Variants in BARD1 observed in about 807,000 individuals in gnomAD.
BARD1 encodes the protein BRCA1 associated RING domain 1, also known as BRCA1-associated RING domain protein 1.
A neutral mutation model predicts 77.0 loss-of-function variants in BARD1; 73 were observed. The ratio of observed to expected loss-of-function variants is 0.95; its 90% CI spans 0.79 to 1.15. The LOEUF (loss-of-function observed/expected upper bound fraction) is 1.15. BARD1 is among the 50% of genes most tolerant of loss of function. The pLI is 0.00. For synonymous variants in BARD1, 384 were observed against 338.0 expected (o/e 1.14, Z -1.49); for missense variants, 993 against 938.8 (o/e 1.06, Z -0.75).
chr2:214,732,059 C>T (rs1692379307), intron 9 of BARD1, among the ~76,000 whole-genome samples: 1 of 152,278 alleles, frequency 6.6e-6, no homozygotes, highest in Admixed American at 6.5e-5. Context: ...AGAAAAAAAT[C>T]TATGGCTGCA....
intron 6 of BARD1, among the ~76,000 whole-genome samples, chr2:214,760,216 C>T (rs372409926): frequency 1.3e-5 from 2 of 152,176 alleles, no homozygotes; most frequent in East Asian, 1.9e-4. Flanking sequence ...TATTTGAGAC[C>T]GAGTCTCGCT....
At chr2:214,789,220 G>T (rs754056116) in intron 3 of BARD1, among the ~76,000 whole-genome samples, 1 of 151,914 alleles carries the variant, frequency 6.6e-6, no homozygotes, top group East Asian at 1.9e-4. Flanking sequence ...CAAATTCTAA[G>T]AATGTATTTT....
Position 214,728,488 on chromosome 2 carries a change from C to A in BARD1, c.*188G>T. ...AAAAGAAAAACCTTTAAAAGCAATC[C>A]CAGCTTCTAAATGGTAAACATAACA... is the stretch of plus-strand genomic sequence containing the variant. On this transcript the variant is annotated 3_prime_UTR_variant, in exon 11 of 11. Coordinates refer to ENST00000260947, the MANE Select transcript of BARD1 (RefSeq NM_000465.4). 1 of 628,466 alleles carries A rather than the reference C, an allele frequency of 1.6e-6. No individual in the cohort carries two copies. Among genetic ancestry groups the A allele is most frequent in the South Asian group, 2.1e-5 (1 of 47,338 alleles). 38.9% of individuals were successfully genotyped at this position (628,466 alleles called of 1,614,324 possible). A position where few individuals can be genotyped will look rare whatever the true frequency, so the allele number is the denominator to read the frequency against.
chr2:214,748,674 T>C (rs2106028045), intron 7 of BARD1, among the ~76,000 whole-genome samples: 1 of 152,172 alleles, frequency 6.6e-6, no homozygotes, highest in Non-Finnish European at 1.5e-5. Context: ...TAAATTTTAC[T>C]TAAAACATAA....
chr2:214,756,055 A>T (rs1330450778), intron 6 of BARD1, among the ~76,000 whole-genome samples: 1 of 152,180 alleles, frequency 6.6e-6, no homozygotes, highest in East Asian at 1.9e-4. Flanking sequence ...TGTAGATAAT[A>T]TACTTTACCT....
intron 4 of BARD1, among the ~76,000 whole-genome samples, chr2:214,774,628 C>T (rs1235304128): frequency 6.6e-6 from 1 of 152,184 alleles, no homozygotes; most frequent in Non-Finnish European, 1.5e-5. Flanking sequence ...TGAGCATTGG[C>T]TTCCACTTCA....
intron 4 of BARD1, among the ~76,000 whole-genome samples, chr2:214,772,161 G>A (rs1397132021): frequency 6.6e-6 from 1 of 151,966 alleles, no homozygotes; most frequent in Non-Finnish European, 1.5e-5. Flanking sequence ...AGAGATGGGG[G>A]TCTCACTATG....
chr2:214,773,789 T>G (rs1396221520), intron 4 of BARD1, among the ~76,000 whole-genome samples: 1 of 152,192 alleles, frequency 6.6e-6, no homozygotes, highest in Non-Finnish European at 1.5e-5. Context: ...GACAGTTTCT[T>G]AAATCAGGAC....
At chr2:214,799,736 C>G (rs889120951) in intron 1 of BARD1, among the ~76,000 whole-genome samples, 1 of 152,158 alleles carries the variant, frequency 6.6e-6, no homozygotes, top group Admixed American at 6.5e-5. Flanking sequence ...GATCATACCT[C>G]CCATTCTACC....
At chr2:214,770,740 A>T (rs1694443291) in intron 4 of BARD1, among the ~76,000 whole-genome samples, 1 of 152,146 alleles carries the variant, frequency 6.6e-6, no homozygotes, top group Non-Finnish European at 1.5e-5. Flanking sequence ...GACAAAAAAA[A>T]TAGCTTCCCT....
chr2:214,736,103 A>C (rs1692554586), intron 9 of BARD1, among the ~76,000 whole-genome samples: 1 of 152,080 alleles, frequency 6.6e-6, no homozygotes, highest in Admixed American at 6.5e-5. Flanking sequence ...ATATAATAAA[A>C]ATTATACTCT....
intron 1 of BARD1, 39 bp from the exon 2 acceptor site, chr2:214,797,156 T>G (rs765470674): frequency 7.2e-6 from 11 of 1,532,662 alleles, no homozygotes; most frequent in Non-Finnish European, 9.0e-7. Flanking sequence ...TTTGAGTCAT[T>G]GTTAGATAAA....
intron 2 of BARD1, among the ~76,000 whole-genome samples, chr2:214,795,868 C>A (rs1301735863): frequency 2.6e-5 from 4 of 152,086 alleles, no homozygotes; most frequent in Non-Finnish European, 5.9e-5. Flanking sequence ...TTTCATCATC[C>A]AAACAGACGT....
chr2:214,762,376 A>G (rs1694005090), intron 6 of BARD1, among the ~76,000 whole-genome samples: 1 of 152,214 alleles, frequency 6.6e-6, no homozygotes, highest in African/African-American at 2.4e-5. Flanking sequence ...AGGGATACTC[A>G]GTCTATAACT....
intron 7 of BARD1, among the ~76,000 whole-genome samples, chr2:214,748,934 A>T (rs1479861442): frequency 6.6e-6 from 1 of 152,180 alleles, no homozygotes; most frequent in Non-Finnish European, 1.5e-5. Flanking sequence ...ACTATAGTAA[A>T]CAGAAGAGCC....
Position 214,728,098 on chromosome 2 carries a change from T to TA in BARD1, c.*577dup, listed in dbSNP as rs549795495. The TA allele has an allele frequency of 4.4e-6, 1 of 228,154 alleles. No homozygotes were observed. Among genetic ancestry groups the TA allele is most frequent in the East Asian group, 6.3e-5 (1 of 15,830 alleles). 14.1% of individuals were successfully genotyped at this position (228,154 alleles called of 1,614,324 possible). ...CACAATTTCCTGATGATATACAAGATAAAAAACAGGGATGAAAGTGTAGAA... is the reference window on the plus strand; with the variant it reads ...CACAATTTCCTGATGATATACAAGATAAAAAAACAGGGATGAAAGTGTAGAA... On this transcript the variant is annotated 3_prime_UTR_variant, in exon 11 of 11. Coordinates refer to ENST00000260947, the MANE Select transcript of BARD1 (RefSeq NM_000465.4).
chr2:214,733,243 G>A, intron 9 of BARD1, among the ~76,000 whole-genome samples: 1 of 152,098 alleles, frequency 6.6e-6, no homozygotes, highest in East Asian at 1.9e-4. Context: ...GAAACCACAA[G>A]TGTTTTAAAA....
At chr2:214,766,270 C>T (rs1174861415) in intron 6 of BARD1, among the ~76,000 whole-genome samples, 6 of 152,090 alleles carry the variant, frequency 3.9e-5, no homozygotes, top group Non-Finnish European at 7.4e-5. Flanking sequence ...CCCAGAACCT[C>T]ATGTGAATGA....
At chr2:214,744,806 T>C (rs958525921) in intron 9 of BARD1, among the ~76,000 whole-genome samples, 1 of 151,998 alleles carries the variant, frequency 6.6e-6, no homozygotes, top group Non-Finnish European at 1.5e-5. Context: ...AATTTTTTTG[T>C]ATTTTTAGTA....
Sources: gnomAD v4.1 joint callset for allele counts (sites outside exome capture counted in the v4.1 genomes callset) on GRCh38, gnomAD v4.1.1 for gene constraint, MANE v1.5 for transcripts, NCBI Gene and HGNC (gene_info 2026-07-23, HGNC 2026-07-21) for gene names.